The following DRICH1 variants were observed in gnomAD, a reference collection of about 807,000 sequenced individuals.
DRICH1 encodes the protein aspartate-rich protein 1.
In DRICH1, 38 loss-of-function variants were observed where a neutral mutation model predicts 39.5. The observed-to-expected ratio is 0.96, with a 90% CI of 0.74 to 1.26. The LOEUF is 1.26. DRICH1 is among the 50% of genes most tolerant of loss of function. DRICH1 has a pLI of 0.00. For missense variants in DRICH1, 279 were observed against 270.4 expected, an observed-to-expected ratio of 1.03 and a Z score of -0.22; for synonymous variants, 84 against 99.5, an observed-to-expected ratio of 0.84 and a Z score of 0.93.
the DRICH1 span, among the ~76,000 whole-genome samples, chr22:23,594,239 G>C: frequency 6.6e-6 from 1 of 152,140 alleles, no homozygotes; most frequent in African/African-American, 2.4e-5. Flanking sequence ...AAACTGGCAA[G>C]TGACAAAAAA....
chr22:23,598,378 C>T, the DRICH1 span, among the ~76,000 whole-genome samples: 3 of 150,980 alleles, frequency 2.0e-5, no homozygotes, highest in South Asian at 4.2e-4. Context: ...CTGGCACTCC[C>T]TAGGCATTCT....
At chr22:23,623,152 C>T (rs558014013) in intron 3 of DRICH1, among the ~76,000 whole-genome samples, 1 of 152,212 alleles carries the variant, frequency 6.6e-6, no homozygotes, top group East Asian at 1.9e-4. Context: ...TGCCTATAAT[C>T]CCAGCACTTT....
Position 23,608,500 on chromosome 22 carries a change from C to T in DRICH1, c.*264G>A. 4.0e-6 allele frequency: 2 copies of T among 505,910 alleles called. No individual in the cohort carries two copies. Among genetic ancestry groups the T allele is most frequent in the South Asian group, 3.6e-5 (1 of 27,640 alleles). The allele number at this position is 505,910 out of a possible 1,614,324, so 31.3% of individuals were successfully genotyped here. ...TCAAGTGGGAATGGCACTTTCTGCT[C>T]GTGGAGCACAGTCACGTCTCTTCTC... On this transcript the variant is annotated 3_prime_UTR_variant, in exon 12 of 12. Coordinates refer to ENST00000317749, the MANE Select transcript of DRICH1 (RefSeq NM_016449.4).
chr22:23,626,598 C>T (rs369902098), intron 1 of DRICH1, among the ~76,000 whole-genome samples: 3 of 152,210 alleles, frequency 2.0e-5, no homozygotes, highest in East Asian at 3.9e-4. Flanking sequence ...TTGCAGCTGC[C>T]CTCATGGATG....
chr22:23,617,265 A>T (rs910029253), intron 7 of DRICH1, among the ~76,000 whole-genome samples: 2 of 152,208 alleles, frequency 1.3e-5, no homozygotes, highest in African/African-American at 4.8e-5. Context: ...ACATAATGTG[A>T]CTTGTCATAT....
chr22:23,626,710 C>T (rs1928085223), intron 1 of DRICH1, among the ~76,000 whole-genome samples: 1 of 152,166 alleles, frequency 6.6e-6, no homozygotes, highest in Admixed American at 6.5e-5. Context: ...CACTGGGTTG[C>T]ACAAGATTGC....
chr22:23,625,913 ATGGGT>A, intron 2 of DRICH1, 63 bp downstream of exon 2: 1 of 1,271,452 alleles, frequency 7.9e-7, no homozygotes, highest in African/African-American at 1.5e-5. Context: ...TTGGGTTTAG[ATGGGT>A]GAATTTGTTT....
rs773601237 is a variant in DRICH1 at position 23,613,304 on chromosome 22, C to T, written c.670G>A (p.Glu224Lys). ...SDLTLESLSD[E>K]EIHPG is the part of the protein sequence containing the mutation. The stretch of plus-strand genomic sequence containing the variant: ...AGTTCCCTACCTGGATGAATCTCTT[C>T]ATCACTTAGACTCTCCAGCGTCAAG... The change falls in exon 11 of 12, where the codon GAA (glutamate) becomes AAA (lysine). Residue 224 changes from glutamate (E) to lysine (K), a missense_variant. Coordinates refer to ENST00000317749, the MANE Select transcript of DRICH1 (RefSeq NM_016449.4). The T allele has an allele frequency of 6.2e-7, 1 of 1,613,498 alleles. No homozygotes were observed. The highest frequency in any genetic ancestry group is 1.7e-5 in the Admixed American group (1 of 60,020).
chr22:23,621,365 G>C (rs1255865449), intron 4 of DRICH1, among the ~76,000 whole-genome samples: 2 of 151,894 alleles, frequency 1.3e-5, no homozygotes, highest in African/African-American at 4.8e-5. Context: ...GAGCCCCTGA[G>C]CTCACTAGGA....
chr22:23,602,709 T>TGG, the DRICH1 span, among the ~76,000 whole-genome samples: 64 of 147,200 alleles, frequency 4.3e-4, 1 homozygote, highest in South Asian at 0.011. Flanking sequence ...TAGAGAAATT[T>TGG]GGGGGGGGGT....
the DRICH1 span, among the ~76,000 whole-genome samples, chr22:23,590,435 A>T: frequency 6.6e-6 from 1 of 150,550 alleles, no homozygotes; most frequent in African/African-American, 2.5e-5. Flanking sequence ...GCACCACCAC[A>T]CCCAGCTAAT....
At chr22:23,591,453 A>G in the DRICH1 span, among the ~76,000 whole-genome samples, 1 of 152,084 alleles carries the variant, frequency 6.6e-6, no homozygotes, top group African/African-American at 2.4e-5. Context: ...CTACAAGGAA[A>G]TGGTCTCCTG....
chr22:23,605,006 C>T (rs979954882), downstream of DRICH1, among the ~76,000 whole-genome samples: 37 of 152,322 alleles, frequency 2.4e-4, no homozygotes, highest in Middle Eastern at 3.4e-3. Context: ...ATGAACTCTG[C>T]CAGCTCTGCG....
intron 1 of DRICH1, among the ~76,000 whole-genome samples, chr22:23,631,529 C>T (rs1341434099): frequency 6.6e-6 from 1 of 152,104 alleles, no homozygotes; most frequent in African/African-American, 2.4e-5. Context: ...CATTTAGGTA[C>T]CAAACCGGCC....
At chr22:23,588,426 C>T in the DRICH1 span, among the ~76,000 whole-genome samples, 8 of 152,278 alleles carry the variant, frequency 5.3e-5, no homozygotes, top group South Asian at 2.1e-4. Context: ...GTGCCCAGCC[C>T]GAGCTCTGAT....
chr22:23,581,423 C>T, the DRICH1 span: 390 of 152,444 alleles, frequency 2.6e-3, 1 homozygote, highest in African/African-American at 7.0e-3. Context: ...CTGCCAGAGA[C>T]GCCTCAGGTC....
chr22:23,584,983 A>C, the DRICH1 span, among the ~76,000 whole-genome samples: 3 of 152,140 alleles, frequency 2.0e-5, no homozygotes, highest in Non-Finnish European at 4.4e-5. Flanking sequence ...GTATCCTACA[A>C]ATTTTTATGT....
At chr22:23,609,391 T>G (rs1602327487) in intron 11 of DRICH1, among the ~76,000 whole-genome samples, 1 of 152,290 alleles carries the variant, frequency 6.6e-6, no homozygotes, top group East Asian at 1.9e-4. Context: ...ATAAGTGCCT[T>G]GTACATTGTG....
At chr22:23,624,952 T>G in intron 2 of DRICH1, 48 bp from the exon 3 acceptor site, 3 of 1,594,144 alleles carry the variant, frequency 1.9e-6, no homozygotes, top group Non-Finnish European at 2.6e-6. Flanking sequence ...TCAATTCTGC[T>G]GCACCCCCTA....
Sources: gnomAD v4.1 joint callset for allele counts (sites outside exome capture counted in the v4.1 genomes callset) on GRCh38, gnomAD v4.1.1 for gene constraint, MANE v1.5 for transcripts, NCBI Gene and HGNC (gene_info 2026-07-23, HGNC 2026-07-21) for gene names.